Variants in DGKG observed in about 807,000 individuals in gnomAD.
DGKG encodes DAG kinase gamma.
Under a neutral mutation model 105.3 loss-of-function variants are expected in DGKG, and 78 were observed. The observed-to-expected ratio is 0.74, with a 90% confidence interval of 0.62 to 0.89. The LOEUF (loss-of-function observed/expected upper bound fraction) is 0.89. Among genes scored for constraint, DGKG ranks in the 40% least tolerant of loss-of-function variants. The pLI is 0.00. For synonymous variants in DGKG, 346 were observed against 367.1 expected (o/e 0.94, Z 0.66); for missense variants, 958 against 1,020.1 (o/e 0.94, Z 0.83).
intron 2 of DGKG, among the ~76,000 whole-genome samples, chr3:186,317,736 G>A (rs1183977558): frequency 6.6e-6 from 1 of 152,162 alleles, no homozygotes; most frequent in African/African-American, 2.4e-5. Flanking sequence ...CTCCCATGCT[G>A]CCCACTTCTG....
chr3:186,323,203 T>C (rs940361158), intron 1 of DGKG, among the ~76,000 whole-genome samples: 1 of 152,210 alleles, frequency 6.6e-6, no homozygotes, highest in Non-Finnish European at 1.5e-5. Context: ...CAAAGCTCTT[T>C]ATGATCTGGC....
chr3:186,188,462 G>A (rs1035915913), intron 21 of DGKG, 83 bp from the exon 22 acceptor site: 41 of 1,217,628 alleles, frequency 3.4e-5, no homozygotes, highest in East Asian at 1.1e-4. Flanking sequence ...GCGTGCGTGT[G>A]TGTGTGTGTA....
chr3:186,181,161 G>C (rs1717341262), intron 22 of DGKG, among the ~76,000 whole-genome samples: 1 of 152,150 alleles, frequency 6.6e-6, no homozygotes, highest in Non-Finnish European at 1.5e-5. Context: ...CCTGTCTGTG[G>C]GGTTATTTTA....
chr3:186,215,092 C>A (rs114230437), intron 20 of DGKG, among the ~76,000 whole-genome samples: 3 of 152,206 alleles, frequency 2.0e-5, no homozygotes, highest in African/African-American at 7.2e-5. Flanking sequence ...AGGGTGGGCA[C>A]GCCACACTCA....
chr3:186,333,768 T>C (rs1420656996), intron 1 of DGKG, among the ~76,000 whole-genome samples: 1 of 152,180 alleles, frequency 6.6e-6, no homozygotes, highest in African/African-American at 2.4e-5. Context: ...TGCAGAGCCC[T>C]GGGCATGAGT....
At chr3:186,167,888 T>C (rs905356794) in intron 22 of DGKG, among the ~76,000 whole-genome samples, 1 of 152,248 alleles carries the variant, frequency 6.6e-6, no homozygotes, top group African/African-American at 2.4e-5. Flanking sequence ...TGAAGGGCTC[T>C]TAGCCAAGAG....
At chr3:186,302,512 GTGTATATA>G (rs1724005520) in intron 3 of DGKG, among the ~76,000 whole-genome samples, 4 of 15,124 alleles carry the variant, frequency 2.6e-4, no homozygotes, top group Non-Finnish European at 4.8e-4. Flanking sequence ...ATATACATAT[GTGTATATA>G]TATATATATA....
chr3:186,285,108 T>A (rs1723002761), intron 6 of DGKG, among the ~76,000 whole-genome samples: 1 of 152,172 alleles, frequency 6.6e-6, no homozygotes, highest in Non-Finnish European at 1.5e-5. Context: ...ATCCTAGGAC[T>A]GCCCTGCCAC....
chr3:186,155,157 CT>C (rs1715973954), intron 24 of DGKG, among the ~76,000 whole-genome samples: 1 of 151,770 alleles, frequency 6.6e-6, no homozygotes, highest in South Asian at 2.1e-4. Flanking sequence ...CAAATATGGG[CT>C]TCTGTTTTTG....
intron 20 of DGKG, among the ~76,000 whole-genome samples, chr3:186,215,392 T>C (rs1452692375): frequency 7.7e-6 from 1 of 129,094 alleles, no homozygotes; most frequent in African/African-American, 2.9e-5. Flanking sequence ...GCCTGGGTGA[T>C]AGAGTGAGAC....
chr3:186,300,688 A>G (rs1723878640), intron 3 of DGKG, among the ~76,000 whole-genome samples: 1 of 152,228 alleles, frequency 6.6e-6, no homozygotes, highest in Non-Finnish European at 1.5e-5. Context: ...TTCAGCTAGC[A>G]TCAAATGAAA....
intron 14 of DGKG, among the ~76,000 whole-genome samples, chr3:186,264,037 T>C (rs1357232486): frequency 1.3e-5 from 2 of 152,172 alleles, no homozygotes; most frequent in Non-Finnish European, 2.9e-5. Flanking sequence ...CCTCTGGAGA[T>C]GATATTCAAC....
chr3:186,276,688 C>A (rs1272558870), intron 9 of DGKG, among the ~76,000 whole-genome samples: 1 of 152,202 alleles, frequency 6.6e-6, no homozygotes, highest in African/African-American at 2.4e-5. Context: ...CACATCCCAT[C>A]CCAGGGGAAC....
rs1259045766 is a variant in DGKG at position 186,280,679 on chromosome 3, C to G, written c.660G>C (p.Glu220Asp). 6.2e-7 allele frequency: 1 copy of G among 1,613,580 alleles called. No individual in the cohort carries two copies. Among genetic ancestry groups the G allele is most frequent in the South Asian group, 1.1e-5 (1 of 91,064 alleles). ...CCTTATAGAAACTCACAGGCCTCAGCTCTGTGGGATCCCACTCCAGGTACT... is the reference window on the plus strand; with the variant it reads ...CCTTATAGAAACTCACAGGCCTCAGGTCTGTGGGATCCCACTCCAGGTACT... ...IAQYLEWDPT[E>D]LRPILKEMLQ... is the part of the protein sequence containing the mutation. Residue 220 changes from glutamate (E) to aspartate (D), a missense_variant, in exon 8 of 25, where the codon GAG becomes GAC. By Grantham distance (45) the Glu-to-Asp change is conservative. Coordinates refer to ENST00000265022, the MANE Select transcript of DGKG (RefSeq NM_001346.3).
At position 186,164,762 on chromosome 3, in the gene DGKG, G is replaced by A. The variant is rs77220317; in HGVS notation, c.2216+136C>T. 3.6e-3 allele frequency: 3,927 copies of A among 1,082,388 alleles called. 99 individuals are homozygous for A. The African/African-American group carries it at 0.055, about 15-fold the overall frequency. 67.0% of individuals were successfully genotyped at this position (1,082,388 alleles called of 1,614,324 possible). On this transcript the variant is annotated intron_variant, in intron 23 of 24. Transcript: ENST00000265022. Reference sequence around the variant, plus strand: ...TGTTTGGGAAATGGTCTACAAAGACGTTCTTTACAAACATTATCAAGCTTT... The same window carrying A: ...TGTTTGGGAAATGGTCTACAAAGACATTCTTTACAAACATTATCAAGCTTT...
intron 22 of DGKG, among the ~76,000 whole-genome samples, chr3:186,179,943 C>T (rs1000038827): frequency 1.3e-5 from 2 of 152,230 alleles, no homozygotes; most frequent in African/African-American, 4.8e-5. Flanking sequence ...CCCTAACTCA[C>T]TGCTCCATGT....
chr3:186,302,767 A>C (rs948912376), intron 3 of DGKG, among the ~76,000 whole-genome samples: 34 of 152,052 alleles, frequency 2.2e-4, no homozygotes, highest in African/African-American at 8.2e-4. Flanking sequence ...TATTGAAATA[A>C]TTGCAATGTG....
At chr3:186,266,378 C>T (rs74357396) in intron 13 of DGKG, among the ~76,000 whole-genome samples, 103 of 152,276 alleles carry the variant, frequency 6.8e-4, no homozygotes, top group African/African-American at 1.9e-3. Flanking sequence ...TCAATTTATT[C>T]ATCTATTCTC....
chr3:186,315,668 A>C (rs1724785355), intron 2 of DGKG, among the ~76,000 whole-genome samples: 1 of 152,206 alleles, frequency 6.6e-6, no homozygotes, highest in Non-Finnish European at 1.5e-5. Context: ...TAGTAAAAAA[A>C]AAAAAAAATC....
Sources: gnomAD v4.1 joint callset for allele counts (sites outside exome capture counted in the v4.1 genomes callset) on GRCh38, gnomAD v4.1.1 for gene constraint, MANE v1.5 for transcripts, NCBI Gene and HGNC (gene_info 2026-07-23, HGNC 2026-07-21) for gene names.